Variants in NALCN observed in about 807,000 individuals in gnomAD.
NALCN encodes sodium leak channel NALCN.
In NALCN, 111 loss-of-function variants were observed where a neutral mutation model predicts 225.3. The observed-to-expected ratio is 0.49, with a 90% CI of 0.42 to 0.58. The LOEUF (loss-of-function observed/expected upper bound fraction) is 0.58. Ranked by LOEUF, NALCN falls within the 20% of genes least tolerant of loss-of-function variation. NALCN has a pLI of 0.00. For missense variants in NALCN, 1,378 were observed against 2,202.4 expected, an observed-to-expected ratio of 0.63 and a Z score of 7.49; for synonymous variants, 764 against 769.0, an observed-to-expected ratio of 0.99 and a Z score of 0.11.
chr13:101,277,566 A>G (rs910665065), intron 10 of NALCN, among the ~76,000 whole-genome samples: 2 of 152,214 alleles, frequency 1.3e-5, no homozygotes, highest in Admixed American at 1.3e-4. Flanking sequence ...TATTTAACAC[A>G]TCGGAATAAC....
At chr13:101,362,142 T>C (rs1203227242) in intron 6 of NALCN, among the ~76,000 whole-genome samples, 1 of 151,998 alleles carries the variant, frequency 6.6e-6, no homozygotes. Flanking sequence ...CACTAGTTTA[T>C]AGATTTAGAT....
intron 36 of NALCN, among the ~76,000 whole-genome samples, 199 bp from the exon 37 acceptor site, chr13:101,073,876 G>T (rs1382863299): frequency 4.6e-5 from 7 of 152,026 alleles, no homozygotes; most frequent in Admixed American, 4.6e-4. Flanking sequence ...CCCAACTCTA[G>T]CATGGCCACT....
intron 10 of NALCN, among the ~76,000 whole-genome samples, chr13:101,265,525 A>C (rs1054042494): frequency 3.9e-5 from 6 of 152,190 alleles, no homozygotes; most frequent in African/African-American, 1.4e-4. Context: ...GTGGAAGTCT[A>C]AGCCAAACAC....
intron 15 of NALCN, among the ~76,000 whole-genome samples, chr13:101,166,043 T>G (rs1006687446): frequency 6.6e-6 from 1 of 152,242 alleles, no homozygotes; most frequent in Non-Finnish European, 1.5e-5. Flanking sequence ...CATGATGTCC[T>G]CAAGGTTCAT....
At chr13:101,244,341 G>A (rs2041830935) in intron 11 of NALCN, among the ~76,000 whole-genome samples, 2 of 152,196 alleles carry the variant, frequency 1.3e-5, no homozygotes, top group East Asian at 1.9e-4. Context: ...CTGTTTAAAT[G>A]AGCATAATTT....
At chr13:101,336,583 C>T (rs1310637466) in intron 7 of NALCN, among the ~76,000 whole-genome samples, 1 of 152,188 alleles carries the variant, frequency 6.6e-6, no homozygotes, top group African/African-American at 2.4e-5. Flanking sequence ...CACATGTTAA[C>T]TCCTGTGGAG....
chr13:101,090,060 ATGTG>A (rs148372023), intron 28 of NALCN, 94 bp from the exon 29 acceptor site: 257 of 1,553,602 alleles, frequency 1.7e-4, no homozygotes, highest in Non-Finnish European at 1.7e-4. Flanking sequence ...AGTGTGGGAT[ATGTG>A]TGTGTGTGTG....
intron 27 of NALCN, among the ~76,000 whole-genome samples, chr13:101,097,625 G>T (rs2034582140): frequency 6.6e-6 from 1 of 152,128 alleles, no homozygotes; most frequent in South Asian, 2.1e-4. Flanking sequence ...TCCTCATTAG[G>T]AATGGATATC....
intron 12 of NALCN, among the ~76,000 whole-genome samples, chr13:101,231,530 A>G (rs1001276651): frequency 7.2e-5 from 11 of 152,338 alleles, no homozygotes; most frequent in Admixed American, 5.2e-4. Context: ...ATGTAGCTCT[A>G]AGAAATAAAA....
At position 101,237,815 on chromosome 13, in the gene NALCN, T is replaced by A; in HGVS notation, c.1374A>T (p.Val458=). The part of the protein sequence containing the change: ...SSLHKFELLL[V]IGTTLHVYPD... ...GGTATACATGAAGAGTAGTTCCAAT[T>A]ACGAGTAGTAGTTCGAATTTGTGGA... Residue 458 remains valine (V), a synonymous_variant, in exon 12 of 44, where the codon GTA becomes GTT. Coordinates refer to ENST00000251127, the MANE Select transcript of NALCN (RefSeq NM_052867.4). The A allele has an allele frequency of 2.5e-6, 4 of 1,607,542 alleles. No homozygotes were observed. Among genetic ancestry groups the A allele is most frequent in the Non-Finnish European group, 2.5e-6 (3 of 1,177,122 alleles).
At chr13:101,077,266 CA>C (rs1261630709) in intron 34 of NALCN, among the ~76,000 whole-genome samples, 14 of 152,156 alleles carry the variant, frequency 9.2e-5, no homozygotes, top group Non-Finnish European at 1.8e-4. Flanking sequence ...AGGACTAACA[CA>C]GTAAATTCGT....
chr13:101,091,261 A>G (rs945183119), intron 28 of NALCN, among the ~76,000 whole-genome samples: 2 of 152,138 alleles, frequency 1.3e-5, no homozygotes, highest in Non-Finnish European at 2.9e-5. Flanking sequence ...AGCCTATTTA[A>G]ATTATATTTT....
chr13:101,169,722 T>C (rs185580187), intron 15 of NALCN, among the ~76,000 whole-genome samples: 102 of 152,362 alleles, frequency 6.7e-4, no homozygotes, highest in Admixed American at 1.4e-3. Context: ...CCTTTGTGGC[T>C]CTGACCCAGG....
In NALCN at chr13:101,107,537, T is replaced by C. The variant is rs1214619584; in HGVS notation, c.2529A>G (p.Glu843=). 2.5e-6 allele frequency: 4 copies of C among 1,614,156 alleles called. No individual in the cohort carries two copies. The South Asian group carries it at 3.3e-5, about 13-fold the overall frequency. The change falls in exon 22 of 44, where the codon GAA becomes GAG. Residue 843 remains glutamate, a synonymous_variant. Transcript: ENST00000251127. ...FDKPLFIVGR[E]HRFRNFCRVV... Reference sequence around the variant, plus strand: ...CCCGGCAAAAGTTTCTGAACCTGTGTTCTCGCCCGACAATGAACAGTGGCT... The same window carrying C: ...CCCGGCAAAAGTTTCTGAACCTGTGCTCTCGCCCGACAATGAACAGTGGCT...
chr13:101,100,034 AAG>A, intron 27 of NALCN, among the ~76,000 whole-genome samples: 1 of 152,290 alleles, frequency 6.6e-6, no homozygotes, highest in South Asian at 2.1e-4. Context: ...TGACTGAAGA[AAG>A]AGAAAGAAAC....
chr13:101,382,268 T>A (rs1163596767), intron 3 of NALCN, among the ~76,000 whole-genome samples: 1 of 129,604 alleles, frequency 7.7e-6, no homozygotes, highest in Non-Finnish European at 1.6e-5. Flanking sequence ...CAAATGAGGA[T>A]AAACAGTGAT....
chr13:101,376,050 G>A (rs183395838), intron 6 of NALCN, among the ~76,000 whole-genome samples: 45 of 152,168 alleles, frequency 3.0e-4, no homozygotes, highest in African/African-American at 8.7e-4. Flanking sequence ...CCCTACAACA[G>A]TCAAATGCAA....
At chr13:101,360,375 G>A (rs1295807349) in intron 6 of NALCN, among the ~76,000 whole-genome samples, 4 of 151,900 alleles carry the variant, frequency 2.6e-5, no homozygotes, top group African/African-American at 9.7e-5. Flanking sequence ...TGGGATCACA[G>A]GTGCACAGTA....
chr13:101,168,124 G>C (rs1015827602), intron 15 of NALCN, among the ~76,000 whole-genome samples: 3 of 152,032 alleles, frequency 2.0e-5, no homozygotes, highest in Non-Finnish European at 4.4e-5. Context: ...ACACATTCTA[G>C]GCTTTCCTCT....
Sources: allele counts gnomAD v4.1 joint callset (sites outside exome capture counted in the v4.1 genomes callset), GRCh38; gene constraint gnomAD v4.1.1; transcripts MANE v1.5; gene names NCBI Gene and HGNC (gene_info 2026-07-23, HGNC 2026-07-21).